Variants in RABGEF1 observed in about 807,000 individuals in gnomAD.
RABGEF1 encodes RAB guanine nucleotide exchange factor 1.
In RABGEF1, 26 loss-of-function variants were observed where a neutral mutation model predicts 57.3. That is an observed-to-expected ratio of 0.45 (90% CI 0.33 to 0.63). The LOEUF (loss-of-function observed/expected upper bound fraction) is 0.63, where lower values mean the gene tolerates loss of function less well. Among genes scored for constraint, RABGEF1 ranks in the 20% least tolerant of loss-of-function variants. RABGEF1 has a pLI of 0.02. For synonymous variants in RABGEF1, 185 were observed against 210.7 expected (o/e 0.88, Z 1.06); for missense variants, 464 against 607.6 (o/e 0.76, Z 2.48).
At chr7:66,760,370 G>T (rs1803980225) in intron 1 of RABGEF1, among the ~76,000 whole-genome samples, 1 of 151,072 alleles carries the variant, frequency 6.6e-6, no homozygotes, top group African/African-American at 2.4e-5. Context: ...GTATTCTCTT[G>T]TGTGGTCATG....
intron 8 of RABGEF1, chr7:66,807,843 G>A (rs1325721958): frequency 6.6e-6 from 1 of 151,988 alleles, no homozygotes; most frequent in East Asian, 1.9e-4. Context: ...TCTAGAGATG[G>A]TTTCTACCCC....
chr7:66,772,672 G>A (rs147947726), intron 2 of RABGEF1, among the ~76,000 whole-genome samples: 1 of 152,120 alleles, frequency 6.6e-6, no homozygotes, highest in African/African-American at 2.4e-5. Context: ...ACTTTGGGAG[G>A]GTGAGGCAGG....
At chr7:66,703,129 A>G (rs926944698) in intron 1 of RABGEF1, among the ~76,000 whole-genome samples, 4 of 152,030 alleles carry the variant, frequency 2.6e-5, no homozygotes, top group Admixed American at 1.3e-4. Context: ...GCCCGCTACC[A>G]TGCCTGGCTA....
intron 1 of RABGEF1, among the ~76,000 whole-genome samples, chr7:66,701,825 T>C (rs1334403491): frequency 2.6e-5 from 4 of 152,204 alleles, no homozygotes; most frequent in African/African-American, 9.6e-5. Context: ...TTATCAGATA[T>C]ATGGTTTGTG....
intron 2 of RABGEF1, among the ~76,000 whole-genome samples, chr7:66,732,783 C>T (rs1259002106): frequency 6.6e-6 from 1 of 152,088 alleles, no homozygotes; most frequent in Non-Finnish European, 1.5e-5. Context: ...CACTCGCTCT[C>T]TCTTGCTGTC....
chr7:66,791,867 T>A (rs1584167717), intron 4 of RABGEF1, among the ~76,000 whole-genome samples: 1 of 152,076 alleles, frequency 6.6e-6, no homozygotes, highest in East Asian at 1.9e-4. Context: ...TAATCCCAGC[T>A]CTTTAGGAGG....
intron 1 of RABGEF1, among the ~76,000 whole-genome samples, chr7:66,690,125 G>C (rs967210427): frequency 2.1e-5 from 3 of 140,946 alleles, no homozygotes; most frequent in South Asian, 2.2e-4. Flanking sequence ...TTTTTGAGAC[G>C]GAGTCTCGCT....
chr7:66,776,383 C>G (rs1289831198), intron 3 of RABGEF1, among the ~76,000 whole-genome samples: 2 of 152,176 alleles, frequency 1.3e-5, no homozygotes, highest in Non-Finnish European at 2.9e-5. Flanking sequence ...TAACCAAAAA[C>G]ACACCTCTCT....
chr7:66,720,966 T>C (rs76886623), intron 2 of RABGEF1, among the ~76,000 whole-genome samples: 5,995 of 152,222 alleles, frequency 0.039, 161 homozygotes, highest in East Asian at 0.084. Context: ...CGCCCAAGCT[T>C]GAGTGCAGTG....
At chr7:66,759,770 A>G (rs1803788647) in intron 1 of RABGEF1, among the ~76,000 whole-genome samples, 1 of 152,184 alleles carries the variant, frequency 6.6e-6, no homozygotes, top group Non-Finnish European at 1.5e-5. Context: ...ACCATTCATG[A>G]TTAACTGCCC....
chr7:66,764,722 T>A (rs1297920747), intron 1 of RABGEF1, among the ~76,000 whole-genome samples: 1 of 152,210 alleles, frequency 6.6e-6, no homozygotes, highest in Non-Finnish European at 1.5e-5. Flanking sequence ...AGACTCTTCT[T>A]TTCTCCATTG....
chr7:66,670,365 G>A, the RABGEF1 span, among the ~76,000 whole-genome samples: 1 of 150,838 alleles, frequency 6.6e-6, no homozygotes. Context: ...CAGGCTGGGT[G>A]ACATAGTACC....
intron 1 of RABGEF1, among the ~76,000 whole-genome samples, chr7:66,701,718 A>T (rs1793302608): frequency 1.3e-5 from 2 of 152,044 alleles, no homozygotes; most frequent in South Asian, 4.2e-4. Context: ...CATGTTGGCC[A>T]GGCTGGTCTT....
chr7:66,760,743 G>A (rs1804115360), intron 1 of RABGEF1, among the ~76,000 whole-genome samples: 1 of 149,538 alleles, frequency 6.7e-6, no homozygotes, highest in African/African-American at 2.4e-5. Context: ...CACCCAGCCA[G>A]CATTTATAAT....
intron 1 of RABGEF1, among the ~76,000 whole-genome samples, chr7:66,747,610 G>A (rs2707854): frequency 0.5 from 76,311 of 151,926 alleles, 20,095 homozygotes; most frequent in East Asian, 0.74. Flanking sequence ...AAAATACATA[G>A]TGAAAGTTTT....
intron 1 of RABGEF1, among the ~76,000 whole-genome samples, chr7:66,760,882 G>A (rs540807727): frequency 1.3e-5 from 2 of 152,246 alleles, no homozygotes; most frequent in African/African-American, 4.8e-5. Flanking sequence ...TCCCACCTTC[G>A]CCTCCCAAAG....
At chr7:66,704,782 G>T (rs1295543866) in intron 1 of RABGEF1, among the ~76,000 whole-genome samples, 1 of 151,210 alleles carries the variant, frequency 6.6e-6, no homozygotes, top group Admixed American at 6.6e-5. Context: ...CTGCACTCCA[G>T]CCTGGGTGAC....
chr7:66,772,901 GACTCTGTC>G (rs1489685332), intron 2 of RABGEF1, among the ~76,000 whole-genome samples: 1 of 149,964 alleles, frequency 6.7e-6, no homozygotes, highest in Admixed American at 6.6e-5. Context: ...GACAGAGTGA[GACTCTGTC>G]TCAAAAAAAA....
At chr7:66,738,746 A>AAAG (rs1476546580), upstream of RABGEF1, among the ~76,000 whole-genome samples, 2 of 151,694 alleles carry the variant, frequency 1.3e-5, no homozygotes, top group Non-Finnish European at 2.9e-5. Context: ...AAAAAAAAAA[A>AAAG]AAAGAAACAC....
Sources: allele counts gnomAD v4.1 joint callset (sites outside exome capture counted in the v4.1 genomes callset), GRCh38; gene constraint gnomAD v4.1.1; transcripts MANE v1.5; gene names NCBI Gene and HGNC (gene_info 2026-07-23, HGNC 2026-07-21).